CCDC141: variants seen among roughly 807,000 people sequenced by gnomAD.
CCDC141 encodes the protein coiled-coil domain containing 141.
In CCDC141, 168 loss-of-function variants were observed where a neutral mutation model predicts 181.0. The ratio of observed to expected loss-of-function variants is 0.93; its 90% CI spans 0.82 to 1.05. CCDC141 has a LOEUF of 1.05. CCDC141 is among the 50% of genes least tolerant of loss of function. The probability of loss-of-function intolerance (pLI) is 0.00; values close to 1 mark genes in which losing one functional copy is unlikely to be tolerated. For synonymous variants in CCDC141, 666 were observed against 642.3 expected (o/e 1.04, Z -0.56); for missense variants, 1,902 against 1,788.5 (o/e 1.06, Z -1.14).
At chr2:178,887,526 G>A (rs1289462172) in intron 9 of CCDC141, among the ~76,000 whole-genome samples, 1 of 152,176 alleles carries the variant, frequency 6.6e-6, no homozygotes, top group Non-Finnish European at 1.5e-5. Context: ...GCTCCAAATT[G>A]GCAATAGGAC....
Position 179,015,485 on chromosome 2 carries a change from A to ATCTCATATATGTGCCATATATC in CCDC141, c.225+31798_225+31799insGATATATGGCACATATATGAGA, listed in dbSNP as rs142380302. Among the ~76,000 whole-genome samples, 45 of 87,216 alleles carry ATCTCATATATGTGCCATATATC rather than the reference A, an allele frequency of 5.2e-4. 5 individuals carry two copies. Among genetic ancestry groups the ATCTCATATATGTGCCATATATC allele is most frequent in the African/African-American group, 1.9e-3 (41 of 21,738 alleles). The allele number at this position is 87,216 out of a possible 152,430, so 57.2% of individuals were successfully genotyped here. A position where few individuals can be genotyped will look rare whatever the true frequency, so the allele number is the denominator to read the frequency against. The stretch of plus-strand genomic sequence containing the variant: ...TATATCTCATATATGTGCCATATAT[A>ATCTCATATATGTGCCATATATC]TCATATATGTGCCATATATATCATA... On this transcript the variant is annotated intron_variant, in intron 2 of 23. Transcript: ENST00000443758.
chr2:178,961,490 GA>G lies in CCDC141; in HGVS notation c.527-8del, dbSNP rs1209723344. 2.0e-5 allele frequency: 31 copies of G among 1,536,902 alleles called. No individual in the cohort carries two copies. The East Asian group carries it at 7.4e-4, about 37-fold the overall frequency. On this transcript the variant is annotated splice_region_variant and splice_polypyrimidine_tract_variant and intron_variant, in intron 4 of 23. Transcript: ENST00000443758. ...AAAGACCGTTCCAAGAGTTCTAGAA[GA>G]AAATTAGAAAGAAAAAAGAATAATG...
chr2:178,959,957 C>T (rs773679546), intron 5 of CCDC141, among the ~76,000 whole-genome samples: 1 of 152,200 alleles, frequency 6.6e-6, no homozygotes. Flanking sequence ...CTTCTCATCA[C>T]ATTAGAACAA....
At chr2:178,945,590 G>A (rs1022587751) in intron 5 of CCDC141, among the ~76,000 whole-genome samples, 2 of 152,082 alleles carry the variant, frequency 1.3e-5, no homozygotes, top group Non-Finnish European at 2.9e-5. Flanking sequence ...CCATGCTTGA[G>A]TTATTTAAGG....
intron 5 of CCDC141, among the ~76,000 whole-genome samples, chr2:178,945,298 G>A (rs1417543712): frequency 6.6e-6 from 1 of 152,088 alleles, no homozygotes; most frequent in South Asian, 2.1e-4. Context: ...CTCAATTAAA[G>A]GAGACTTAGA....
chr2:178,952,990 C>T (rs191405589), intron 5 of CCDC141, among the ~76,000 whole-genome samples: 5 of 152,218 alleles, frequency 3.3e-5, no homozygotes. Context: ...TTAACTTAAA[C>T]AAGAAGACCA....
intron 5 of CCDC141, among the ~76,000 whole-genome samples, chr2:178,950,612 C>T (rs1351490256): frequency 2.0e-5 from 3 of 151,992 alleles, no homozygotes; most frequent in African/African-American, 7.3e-5. Context: ...TAGTTATTGG[C>T]CTGTTATTAT....
At chr2:178,921,422 G>A (rs1688683380) in intron 6 of CCDC141, among the ~76,000 whole-genome samples, 1 of 152,106 alleles carries the variant, frequency 6.6e-6, no homozygotes, top group African/African-American at 2.4e-5. Context: ...CTTTATTTAT[G>A]GGTATTCCCA....
intron 7 of CCDC141, among the ~76,000 whole-genome samples, chr2:178,913,142 G>A (rs1294822383): frequency 6.6e-6 from 1 of 152,150 alleles, no homozygotes; most frequent in Non-Finnish European, 1.5e-5. Context: ...TTTGATGCAT[G>A]GCAAGAATAG....
chr2:178,972,590 G>A (rs927608475), intron 4 of CCDC141, among the ~76,000 whole-genome samples: 4 of 152,150 alleles, frequency 2.6e-5, no homozygotes, highest in Admixed American at 1.3e-4. Context: ...GATTTCTCAC[G>A]AGGTTATGGG....
chr2:178,837,699 C>G lies in CCDC141; in HGVS notation c.3520G>C (p.Glu1174Gln), dbSNP rs75153675. Residue 1174 changes from glutamate to glutamine, a missense_variant, in exon 23 of 24, where the codon GAA becomes CAA. Coordinates refer to ENST00000443758, the MANE Select transcript of CCDC141 (RefSeq NM_173648.4). ...ADLLGINGTG[E>Q]ERLPQDLKVS... ...TTCAGGTCTTGTGGTAGTCGCTCTT[C>G]CCCTGTTCCATTGATGCCCAAAAGA... 4.3e-5 allele frequency: 69 copies of G among 1,613,734 alleles called. No individual in the cohort carries two copies. In the African/African-American group the frequency reaches 8.1e-4, roughly 19 times the overall value.
chr2:178,903,618 AG>A (rs1254920677), intron 8 of CCDC141, among the ~76,000 whole-genome samples: 2 of 57,108 alleles, frequency 3.5e-5, no homozygotes, highest in Non-Finnish European at 6.3e-5. Context: ...GGGTGGGGGG[AG>A]GGGGGAGGGA....
chr2:178,946,829 G>A (rs1472874939), intron 5 of CCDC141, among the ~76,000 whole-genome samples: 1 of 152,108 alleles, frequency 6.6e-6, no homozygotes, highest in African/African-American at 2.4e-5. Context: ...ATTCCCTTTA[G>A]GAGAATGTAG....
intron 2 of CCDC141, among the ~76,000 whole-genome samples, chr2:178,999,747 C>T (rs1273031650): frequency 6.6e-6 from 1 of 151,550 alleles, no homozygotes; most frequent in South Asian, 2.1e-4. Flanking sequence ...TCCTTTTGGC[C>T]TCTCACTCTC....
chr2:178,856,743 C>T (rs893334005), intron 17 of CCDC141, among the ~76,000 whole-genome samples: 1 of 152,096 alleles, frequency 6.6e-6, no homozygotes, highest in African/African-American at 2.4e-5. Flanking sequence ...TGCCACCATG[C>T]CTGGCTAATT....
chr2:178,870,744 G>A (rs1686081076), intron 14 of CCDC141, among the ~76,000 whole-genome samples: 2 of 152,142 alleles, frequency 1.3e-5, no homozygotes, highest in African/African-American at 2.4e-5. Flanking sequence ...ATGAAGCAGT[G>A]ACAGCTAGAA....
At chr2:178,826,897 G>T (rs1684133801), downstream of CCDC141, among the ~76,000 whole-genome samples, 1 of 151,714 alleles carries the variant, frequency 6.6e-6, no homozygotes, top group African/African-American at 2.4e-5. Context: ...CTTTTATTCT[G>T]CTTGCTATAG....
chr2:179,015,494 G>GTATCACATATATCTCATATATA (rs2042470351), intron 2 of CCDC141, among the ~76,000 whole-genome samples: 5 of 48,260 alleles, frequency 1.0e-4, no homozygotes, highest in East Asian at 7.0e-4. Flanking sequence ...TATCATATAT[G>GTATCACATATATCTCATATATA]TGCCATATAT....
chr2:178,919,559 C>A (rs1215255198), intron 6 of CCDC141, among the ~76,000 whole-genome samples: 1 of 152,158 alleles, frequency 6.6e-6, no homozygotes, highest in Admixed American at 6.5e-5. Context: ...AAAATATACC[C>A]CCTATACAAT....
Sources: allele counts gnomAD v4.1 joint callset (sites outside exome capture counted in the v4.1 genomes callset), GRCh38; gene constraint gnomAD v4.1.1; transcripts MANE v1.5; gene names NCBI Gene and HGNC (gene_info 2026-07-23, HGNC 2026-07-21).